The following CFLAR variants were observed in gnomAD, a reference collection of about 807,000 sequenced individuals.
CFLAR encodes CASP8 and FADD-like apoptosis regulator.
CFLAR carries 14 observed loss-of-function variants against 51.1 expected under a neutral mutation model. That is an observed-to-expected ratio of 0.27 (90% CI 0.18 to 0.43). The LOEUF (loss-of-function observed/expected upper bound fraction) is 0.43, where lower values mean the gene tolerates loss of function less well. Ranked by LOEUF, CFLAR falls within the 20% of genes least tolerant of loss-of-function variation. The pLI is 1.00. For synonymous variants in CFLAR, 210 were observed against 211.6 expected (o/e 0.99, Z 0.06); for missense variants, 390 against 566.5 (o/e 0.69, Z 3.16).
At chr2:201,143,818 C>T (rs1939515787) in intron 5 of CFLAR, among the ~76,000 whole-genome samples, 1 of 151,926 alleles carries the variant, frequency 6.6e-6, no homozygotes, top group African/African-American at 2.4e-5. Flanking sequence ...AAAAATTAAC[C>T]AGGCGCAGTG....
intron 3 of CFLAR, among the ~76,000 whole-genome samples, chr2:201,135,252 A>G (rs2049944581): frequency 6.6e-6 from 1 of 152,110 alleles, no homozygotes; most frequent in Non-Finnish European, 1.5e-5. Flanking sequence ...ATAACATGTG[A>G]TTTTTCTCAT....
At chr2:201,131,296 G>A (rs1472469517) in intron 2 of CFLAR, among the ~76,000 whole-genome samples, 1 of 152,122 alleles carries the variant, frequency 6.6e-6, no homozygotes, top group Non-Finnish European at 1.5e-5. Flanking sequence ...GAGTGCAGTG[G>A]TGCGATCTTG....
chr2:201,119,235 C>T (rs1290081457), intron 1 of CFLAR: 3 of 152,246 alleles, frequency 2.0e-5, no homozygotes, highest in Admixed American at 6.5e-5. Context: ...TATTGAGCTT[C>T]TCTGGGCCAG....
At chr2:201,136,444 C>CTGG in intron 4 of CFLAR, 1 of 1,598,114 alleles carries the variant, frequency 6.3e-7, no homozygotes, top group Non-Finnish European at 8.5e-7. Flanking sequence ...CTGCCTTGCT[C>CTGG]TGGTATTTGG....
At chr2:201,149,970 G>A (rs147150276) in intron 8 of CFLAR, 135 bp downstream of exon 8, 125 of 646,102 alleles carry the variant, frequency 1.9e-4, no homozygotes, top group Middle Eastern at 1.6e-3. Context: ...TCCTGGGTGC[G>A]GTGGCTCATG....
At position 201,168,427 on chromosome 2, in the gene CFLAR, G is replaced by A. The variant is rs1360110829; in HGVS notation, c.*4454G>A. The A allele has an allele frequency of 6.6e-6, 1 of 151,980 alleles. No individual in the cohort carries two copies. The highest frequency in any genetic ancestry group is 1.9e-4 in the East Asian group (1 of 5,196). The allele number at this position is 151,980 out of a possible 1,614,324, so 9.4% of individuals were successfully genotyped here. On this transcript the variant is annotated 3_prime_UTR_variant, in exon 10 of 10. Transcript: ENST00000309955. Reference sequence around the variant, plus strand: ...AAGGCCTTCAATAAAATTCAACGTTGCTTCATGTTAAAAACTCTCAATAAA... The same window carrying A: ...AAGGCCTTCAATAAAATTCAACGTTACTTCATGTTAAAAACTCTCAATAAA...
intron 4 of CFLAR, chr2:201,136,568 C>G: frequency 6.8e-7 from 1 of 1,460,338 alleles, no homozygotes; most frequent in Non-Finnish European, 9.0e-7. Flanking sequence ...CGATTTCTTC[C>G]TTGATAAAAG....
chr2:201,129,836 C>T lies in CFLAR; in HGVS notation c.-30C>T, dbSNP rs972476395. The stretch of plus-strand genomic sequence containing the variant: ...CTGGCCCGGAGCTGTACTGCAAGAC[C>T]CTTGTGAGCTTCCCTAGTCTAAGAG... On this transcript the variant is annotated 5_prime_UTR_variant, in exon 2 of 10. Coordinates refer to ENST00000309955, the MANE Select transcript of CFLAR (RefSeq NM_003879.7). The T allele has an allele frequency of 6.2e-7, 1 of 1,608,156 alleles. No individual in the cohort carries two copies. The highest frequency in any genetic ancestry group is 8.5e-7 in the Non-Finnish European group (1 of 1,176,362).
Position 201,164,275 on chromosome 2 carries a change from CT to C in CFLAR, c.*305del. ...TGGGCAATATAGCAAGATCCCATCT[CT>C]TTAAAAAAAAAAAAAAAGGACAGGA... On this transcript the variant is annotated 3_prime_UTR_variant, in exon 10 of 10. Coordinates refer to ENST00000309955, the MANE Select transcript of CFLAR (RefSeq NM_003879.7). The C allele has an allele frequency of 1.5e-5, 2 of 131,266 alleles. No homozygotes were observed. Among genetic ancestry groups the C allele is most frequent in the Non-Finnish European group, 1.6e-5 (1 of 62,984 alleles). The allele number at this position is 131,266 out of a possible 1,614,324, so 8.1% of individuals were successfully genotyped here.
intron 2 of CFLAR, 96 bp from the exon 3 acceptor site, chr2:201,132,933 T>A: frequency 7.4e-7 from 1 of 1,345,442 alleles, no homozygotes; most frequent in Middle Eastern, 1.9e-4. Flanking sequence ...CAAGAACTAG[T>A]CTTTTAATCC....
rs541504476 is a variant in CFLAR at position 201,124,928 on chromosome 2, C to A, written c.-137-4801C>A. The stretch of plus-strand genomic sequence containing the variant: ...TGAGCAGTCAGATGAAAGAGGACTT[C>A]CAAGTTTTTGGATGTGGCAACCAGG... On this transcript the variant is annotated intron_variant, in intron 1 of 9. Coordinates refer to ENST00000309955, the MANE Select transcript of CFLAR (RefSeq NM_003879.7). This position sits in a 1 kb window ranked among gnomAD's most constrained non-coding sequence, Gnocchi z 4.7. 6.6e-4 allele frequency among the ~76,000 whole-genome samples: 101 copies of A among 152,142 alleles called. No individual in the cohort carries two copies. The highest frequency in any genetic ancestry group is 2.2e-3 in the African/African-American group (92 of 41,478).
chr2:201,133,520 A>G (rs1033334232), intron 3 of CFLAR, among the ~76,000 whole-genome samples: 10 of 151,856 alleles, frequency 6.6e-5, no homozygotes, highest in East Asian at 3.9e-4. Context: ...ACTGCCATCT[A>G]TTTCTCCTCA....
At chr2:201,149,987 A>G in intron 8 of CFLAR, 152 bp downstream of exon 8, 1 of 590,072 alleles carries the variant, frequency 1.7e-6, no homozygotes, top group Non-Finnish European at 3.0e-6. Flanking sequence ...CATGCCTGGA[A>G]TTCCAGCACT....
chr2:201,170,559 T>C lies in CFLAR; in HGVS notation c.*6586T>C, dbSNP rs569446140. 2.5e-4 allele frequency: 38 copies of C among 152,366 alleles called. No individual in the cohort carries two copies. Among genetic ancestry groups the C allele is most frequent in the African/African-American group, 8.2e-4 (34 of 41,586 alleles). 9.4% of individuals were successfully genotyped at this position (152,366 alleles called of 1,614,324 possible). A position where few individuals can be genotyped will look rare whatever the true frequency, so the allele number is the denominator to read the frequency against. ...TATGGATTTAAAATACATATCATTT[T>C]CTAACTCCAAAGGTAATACTTATTT... On this transcript the variant is annotated 3_prime_UTR_variant, in exon 10 of 10. Transcript: ENST00000309955.
At chr2:201,163,653 A>T in intron 9 of CFLAR, 182 bp from the exon 10 acceptor site, 1 of 1,393,206 alleles carries the variant, frequency 7.2e-7, no homozygotes, top group South Asian at 1.6e-5. Context: ...GAGGGAGGGG[A>T]TGGTGGCCAT....
chr2:201,154,635 A>G (rs764834030), intron 8 of CFLAR: 9 of 152,260 alleles, frequency 5.9e-5, no homozygotes, highest in Non-Finnish European at 1.3e-4. Flanking sequence ...ATGAAGGAAT[A>G]AGCTCTCCCA....
At position 201,174,328 on chromosome 2, in the gene CFLAR, T is replaced by C. The variant is rs189818849; in HGVS notation, c.*10355T>C. 2.6e-5 allele frequency: 4 copies of C among 152,332 alleles called. No homozygotes were observed. The East Asian group carries it at 7.7e-4, about 29-fold the overall frequency. 9.4% of individuals were successfully genotyped at this position (152,332 alleles called of 1,614,324 possible). A position where few individuals can be genotyped will look rare whatever the true frequency, so the allele number is the denominator to read the frequency against. ...GCATCCAGCCTCATTCTTTTGCACATAAATGTTCACTTGTCTTAGCATTAC... is the reference window on the plus strand; with the variant it reads ...GCATCCAGCCTCATTCTTTTGCACACAAATGTTCACTTGTCTTAGCATTAC... On this transcript the variant is annotated 3_prime_UTR_variant, in exon 10 of 10. Transcript: ENST00000309955.
Position 201,174,606 on chromosome 2 carries a change from C to G in CFLAR, c.*10633C>G, listed in dbSNP as rs538063319. 1 of 152,348 alleles carries G rather than the reference C, an allele frequency of 6.6e-6. No homozygotes were observed. The highest frequency in any genetic ancestry group is 3.4e-3 in the Middle Eastern group (1 of 296). The allele number at this position is 152,348 out of a possible 1,614,324, so 9.4% of individuals were successfully genotyped here. On this transcript the variant is annotated 3_prime_UTR_variant, in exon 10 of 10. Transcript: ENST00000309955. The stretch of plus-strand genomic sequence containing the variant: ...CTATGTTGCCCAGGCTGGTCTCAAA[C>G]TCCTGGCCTCAAACAATCCTCCCAC...
At chr2:201,123,093 C>G in intron 1 of CFLAR, among the ~76,000 whole-genome samples, 1 of 152,178 alleles carries the variant, frequency 6.6e-6, no homozygotes, top group East Asian at 1.9e-4. Context: ...TGATTTAGCT[C>G]CCTTGCTCCT....
Sources: gnomAD v4.1 joint callset for allele counts (sites outside exome capture counted in the v4.1 genomes callset) on GRCh38, gnomAD v4.1.1 for gene constraint, Gnocchi (gnomAD v3.1) non-coding constraint, MANE v1.5 for transcripts, NCBI Gene and HGNC (gene_info 2026-07-23, HGNC 2026-07-21) for gene names.